SMUG1: variants seen among roughly 807,000 people sequenced by gnomAD.
SMUG1 encodes single-strand-selective monofunctional uracil-DNA glycosylase 1, also known as single-strand selective monofunctional uracil DNA glycosylase.
In SMUG1, 13 loss-of-function variants were observed where a neutral mutation model predicts 23.9. That is an observed-to-expected ratio of 0.54 (90% CI 0.35 to 0.86). SMUG1 has a LOEUF of 0.86. Among genes scored for constraint, SMUG1 ranks in the 40% least tolerant of loss-of-function variants. The probability of loss-of-function intolerance (pLI) is 0.01; values close to 1 mark genes in which losing one functional copy is unlikely to be tolerated. For missense variants in SMUG1, 313 were observed against 339.5 expected, an observed-to-expected ratio of 0.92 and a Z score of 0.61; for synonymous variants, 133 against 139.8, an observed-to-expected ratio of 0.95 and a Z score of 0.34.
rs771744744 is a variant in SMUG1 at position 54,182,241 on chromosome 12, C to T, written c.668G>A (p.Arg223Gln). Residue 223 changes from arginine (R) to glutamine (Q), a missense_variant, in exon 4 of 4, where the codon CGG (arginine) becomes CAG (glutamine). Arg to Gln is a conservative substitution (Grantham distance 43). Coordinates refer to ENST00000682136, the MANE Select transcript of SMUG1 (RefSeq NM_001243787.2). Reference sequence around the variant, plus strand: ...CTCTGGCATCAGGCCTGCCAGAGCCCGTCGTGCCCGCTGCTCTGCCAGTCG... The same window carrying T: ...CTCTGGCATCAGGCCTGCCAGAGCCTGTCGTGCCCGCTGCTCTGCCAGTCG... Reference protein sequence around the residue: ...VGRLAEQRARRALAGLMPEVQ... With the variant: ...VGRLAEQRARQALAGLMPEVQ... The T allele has an allele frequency of 2.5e-6, 4 of 1,611,820 alleles. No individual in the cohort carries two copies. Among genetic ancestry groups the T allele is most frequent in the South Asian group, 1.1e-5 (1 of 90,880 alleles).
chr12:54,161,133 C>T (rs1411759664), downstream of SMUG1, among the ~76,000 whole-genome samples: 1 of 152,098 alleles, frequency 6.6e-6, no homozygotes, highest in East Asian at 1.9e-4. The surrounding 1 kb of genome is among the most constrained non-coding windows in gnomAD (Gnocchi z 4.2). Context: ...CCTTGCCCTA[C>T]CCCCAACCTC....
At chr12:54,160,058 G>A (rs1326649470), downstream of SMUG1, among the ~76,000 whole-genome samples, 1 of 152,166 alleles carries the variant, frequency 6.6e-6, no homozygotes, top group Non-Finnish European at 1.5e-5. Flanking sequence ...CCCAGAGAGG[G>A]GAGCCCCTGA....
At chr12:54,161,790 G>A (rs1940272512), downstream of SMUG1, among the ~76,000 whole-genome samples, 1 of 152,182 alleles carries the variant, frequency 6.6e-6, no homozygotes, top group Admixed American at 6.5e-5. The surrounding 1 kb of genome is among the most constrained non-coding windows in gnomAD (Gnocchi z 4.2). Flanking sequence ...GGAGCCCTCA[G>A]AGGCAGAAAG....
downstream of SMUG1, among the ~76,000 whole-genome samples, chr12:54,178,298 G>A (rs536182861): frequency 3.6e-3 from 545 of 152,188 alleles, 2 homozygotes; most frequent in African/African-American, 0.012. Context: ...CAACCTCTCC[G>A]ACAAGATGCA....
chr12:54,158,385 T>C (rs1326362018), intron 4 of SMUG1, among the ~76,000 whole-genome samples: 1 of 152,172 alleles, frequency 6.6e-6, no homozygotes, highest in Non-Finnish European at 1.5e-5. Context: ...TTTCCCTTCT[T>C]GAAACCTGCA....
downstream of SMUG1, among the ~76,000 whole-genome samples, chr12:54,160,772 C>T (rs1940228063): frequency 6.6e-6 from 1 of 152,228 alleles, no homozygotes; most frequent in Non-Finnish European, 1.5e-5. Flanking sequence ...TCTGTTACCC[C>T]AACCTTAGAG....
At chr12:54,185,485 AAAATAAATAAATAAAT>A (rs71070813) in intron 2 of SMUG1, among the ~76,000 whole-genome samples, 3,527 of 85,250 alleles carry the variant, frequency 0.041, 533 homozygotes, top group African/African-American at 0.13. Flanking sequence ...AATAAAATAA[AAAATAAATAAATAAAT>A]AAATAAATAA....
intron 4 of SMUG1, chr12:54,165,319 T>G (rs924695108): frequency 2.0e-5 from 3 of 152,264 alleles, no homozygotes; most frequent in Admixed American, 2.0e-4. Context: ...AATACAACAA[T>G]GTCTTCAGAG....
chr12:54,174,366 C>CAA (rs57269477), intron 2 of SMUG1, among the ~76,000 whole-genome samples: 1 of 152,050 alleles, frequency 6.6e-6, no homozygotes, highest in Non-Finnish European at 1.5e-5. Flanking sequence ...AAAAACTGAA[C>CAA]AAAAAAACAA....
intron 4 of SMUG1, among the ~76,000 whole-genome samples, chr12:54,159,423 G>C (rs1230971848): frequency 6.6e-6 from 1 of 152,082 alleles, no homozygotes; most frequent in African/African-American, 2.4e-5. Context: ...GGCTGTCGGG[G>C]ACAACCTGAG....
downstream of SMUG1, among the ~76,000 whole-genome samples, chr12:54,176,821 T>TA (rs201445348): frequency 1.9e-3 from 258 of 133,680 alleles, 1 homozygote; most frequent in East Asian, 9.4e-3. Flanking sequence ...AAATAAAAAC[T>TA]AAAAAAAAAA....
chr12:54,173,676 C>G (rs1480745826), intron 2 of SMUG1, among the ~76,000 whole-genome samples: 2 of 151,852 alleles, frequency 1.3e-5, no homozygotes, highest in Admixed American at 6.5e-5. Context: ...CCCGCCCCCG[C>G]CCCGCACGCT....
chr12:54,187,506 T>C (rs545279271), intron 2 of SMUG1, among the ~76,000 whole-genome samples: 9 of 152,244 alleles, frequency 5.9e-5, no homozygotes, highest in African/African-American at 2.2e-4. Context: ...ATTAGCAGAT[T>C]GGCTGCTCCA....
downstream of SMUG1, among the ~76,000 whole-genome samples, chr12:54,177,451 G>A (rs1940784751): frequency 6.6e-6 from 1 of 152,180 alleles, no homozygotes; most frequent in Non-Finnish European, 1.5e-5. Context: ...CTAGCCATGT[G>A]TGGCTATTGA....
At chr12:54,166,327 C>G (rs1055162556) in intron 3 of SMUG1, among the ~76,000 whole-genome samples, 1 of 152,210 alleles carries the variant, frequency 6.6e-6, no homozygotes, top group Non-Finnish European at 1.5e-5. Flanking sequence ...CGCCATTGTA[C>G]TCCAGCCTGT....
chr12:54,176,059 T>A (rs971906260), downstream of SMUG1, among the ~76,000 whole-genome samples: 2 of 151,932 alleles, frequency 1.3e-5, no homozygotes, highest in African/African-American at 4.8e-5. Context: ...AAACCCCATC[T>A]CTACTAAAAA....
At chr12:54,173,913 A>C (rs1940691362) in intron 2 of SMUG1, among the ~76,000 whole-genome samples, 1 of 152,014 alleles carries the variant, frequency 6.6e-6, no homozygotes. Flanking sequence ...CAGACACACA[A>C]AGACACAACA....
downstream of SMUG1, chr12:54,162,111 G>A (rs1444014297): frequency 6.5e-6 from 1 of 153,068 alleles, no homozygotes; most frequent in African/African-American, 2.4e-5. Flanking sequence ...GGACAGGCAG[G>A]GAGTGGCAGG....
chr12:54,160,765 G>A (rs1940227496), downstream of SMUG1, among the ~76,000 whole-genome samples: 1 of 152,164 alleles, frequency 6.6e-6, no homozygotes, highest in Non-Finnish European at 1.5e-5. Context: ...GACCTTTTCT[G>A]TTACCCCAAC....
Sources: allele counts gnomAD v4.1 joint callset (sites outside exome capture counted in the v4.1 genomes callset), GRCh38; gene constraint gnomAD v4.1.1; non-coding constraint Gnocchi (gnomAD v3.1); transcripts MANE v1.5; gene names NCBI Gene and HGNC (gene_info 2026-07-23, HGNC 2026-07-21).